Variants in CYRIA observed in about 807,000 individuals in gnomAD.
CYRIA encodes the protein CYFIP related Rac1 interactor A.
Under a neutral mutation model 43.9 loss-of-function variants are expected in CYRIA, and 15 were observed. The ratio of observed to expected loss-of-function variants is 0.34; its 90% CI spans 0.23 to 0.53. CYRIA has a LOEUF of 0.53. CYRIA is among the 20% of genes least tolerant of loss of function. The pLI is 0.94. For missense variants in CYRIA, 236 were observed against 394.2 expected (o/e 0.60, Z 3.40); for synonymous variants, 117 against 136.0 (o/e 0.86, Z 0.97).
intron 2 of CYRIA, among the ~76,000 whole-genome samples, chr2:16,599,686 C>T (rs941969836): frequency 2.6e-5 from 4 of 151,062 alleles, no homozygotes; most frequent in South Asian, 2.1e-4. Context: ...AGAAATCACC[C>T]GTCTTCTGCG....
At chr2:16,565,121 T>C (rs1666879704) in intron 4 of CYRIA, among the ~76,000 whole-genome samples, 1 of 152,110 alleles carries the variant, frequency 6.6e-6, no homozygotes, top group East Asian at 1.9e-4. Flanking sequence ...AATATTAATC[T>C]ATAGCACTGT....
At chr2:16,655,440 A>C (rs766751388) in intron 1 of CYRIA, among the ~76,000 whole-genome samples, 6 of 151,882 alleles carry the variant, frequency 4.0e-5, no homozygotes, top group Non-Finnish European at 5.9e-5. Context: ...TACCCAGGGG[A>C]CTCCTTGGAC....
At chr2:16,619,473 A>G (rs1668924364) in intron 2 of CYRIA, among the ~76,000 whole-genome samples, 1 of 152,172 alleles carries the variant, frequency 6.6e-6, no homozygotes, top group Non-Finnish European at 1.5e-5. Flanking sequence ...GGGGAAATAC[A>G]GTTTTCACTT....
intron 2 of CYRIA, among the ~76,000 whole-genome samples, chr2:16,605,496 G>A (rs373075026): frequency 2.4e-4 from 37 of 152,288 alleles, no homozygotes; most frequent in African/African-American, 8.9e-4. Flanking sequence ...TTCTTACCTA[G>A]GCAGGTGGAC....
At chr2:16,599,824 T>G (rs1313583400) in intron 2 of CYRIA, among the ~76,000 whole-genome samples, 2 of 152,174 alleles carry the variant, frequency 1.3e-5, no homozygotes. Flanking sequence ...TAGCGCAATC[T>G]CAGCTCACTG....
intron 5 of CYRIA, 109 bp from the exon 6 acceptor site, chr2:16,562,250 C>A: frequency 8.2e-7 from 1 of 1,220,836 alleles, no homozygotes. Flanking sequence ...CTGCTTGAGT[C>A]TCTCCCGATA....
chr2:16,638,587 G>A (rs1669574171), intron 1 of CYRIA, among the ~76,000 whole-genome samples: 2 of 152,186 alleles, frequency 1.3e-5, no homozygotes, highest in Admixed American at 6.5e-5. Context: ...GGGTGTGGCT[G>A]GAGCATAAGA....
chr2:16,660,558 C>T (rs750541669), intron 1 of CYRIA, among the ~76,000 whole-genome samples: 4 of 152,194 alleles, frequency 2.6e-5, no homozygotes, highest in African/African-American at 4.8e-5. Flanking sequence ...TACTTGAGGG[C>T]AGGGGTAATG....
intron 2 of CYRIA, among the ~76,000 whole-genome samples, chr2:16,608,269 T>C (rs542675201): frequency 1.0e-3 from 156 of 152,294 alleles, no homozygotes; most frequent in Non-Finnish European, 1.8e-3. Context: ...AAAATAAGCA[T>C]TTCCCCAAAT....
At chr2:16,572,716 T>G (rs1667181274) in intron 3 of CYRIA, among the ~76,000 whole-genome samples, 1 of 152,194 alleles carries the variant, frequency 6.6e-6, no homozygotes, top group African/African-American at 2.4e-5. Context: ...AATTTCTTTC[T>G]TTACACCCCA....
chr2:16,605,333 G>A (rs1008155448), intron 2 of CYRIA, among the ~76,000 whole-genome samples: 2 of 152,216 alleles, frequency 1.3e-5, no homozygotes, highest in Admixed American at 6.5e-5. Flanking sequence ...GAAAGTCAAT[G>A]TGTCCCCCAC....
chr2:16,557,287 T>C (rs954268242), intron 10 of CYRIA, among the ~76,000 whole-genome samples: 2 of 152,146 alleles, frequency 1.3e-5, no homozygotes, highest in Admixed American at 6.5e-5. Flanking sequence ...ACCTCAAACA[T>C]CACCCTCTGT....
In CYRIA at chr2:16,550,549, C is replaced by T. The variant is rs1666268737; in HGVS notation, c.*2387G>A. ...GTCTTGGCTTTGAGACAAGACAAGT[C>T]TTGGCTAAATTGAGGCAGGACAGCA... On this transcript the variant is annotated 3_prime_UTR_variant, in exon 12 of 12. Coordinates refer to ENST00000381323, the MANE Select transcript of CYRIA (RefSeq NM_030797.4). 6.6e-6 allele frequency: 1 copy of T among 152,132 alleles called. No individual in the cohort carries two copies. Among genetic ancestry groups the T allele is most frequent in the African/African-American group, 2.4e-5 (1 of 41,436 alleles). 9.4% of individuals were successfully genotyped at this position (152,132 alleles called of 1,614,324 possible).
At chr2:16,556,557 T>C (rs1231196973) in intron 10 of CYRIA, among the ~76,000 whole-genome samples, 1 of 152,152 alleles carries the variant, frequency 6.6e-6, no homozygotes, top group Admixed American at 6.5e-5. Flanking sequence ...TAGGTATGAA[T>C]AACAAGATGC....
At chr2:16,619,818 C>G (rs1048958914) in intron 2 of CYRIA, among the ~76,000 whole-genome samples, 2 of 152,184 alleles carry the variant, frequency 1.3e-5, no homozygotes, top group Non-Finnish European at 2.9e-5. Context: ...TCACCCATGA[C>G]AGAGAAATGA....
At chr2:16,567,108 G>T (rs1666960788) in intron 3 of CYRIA, among the ~76,000 whole-genome samples, 1 of 151,866 alleles carries the variant, frequency 6.6e-6, no homozygotes, top group African/African-American at 2.4e-5. Context: ...TTTCTCTGGG[G>T]ATAAAAAAAA....
chr2:16,575,897 A>ATAAT (rs1265174226), intron 3 of CYRIA, among the ~76,000 whole-genome samples: 1 of 151,544 alleles, frequency 6.6e-6, no homozygotes, highest in Non-Finnish European at 1.5e-5. Flanking sequence ...AAATAAATAA[A>ATAAT]TAAATAAATA....
chr2:16,565,916 C>T lies in CYRIA; in HGVS notation c.71-149G>A, dbSNP rs536527325. 8 of 688,910 alleles carry T rather than the reference C, an allele frequency of 1.2e-5. No individual in the cohort carries two copies. The East Asian group carries it at 2.8e-4, about 24-fold the overall frequency. The allele number at this position is 688,910 out of a possible 1,614,324, so 42.7% of individuals were successfully genotyped here. The stretch of plus-strand genomic sequence containing the variant: ...TTTAACCTAATAAGCTGCTAGGATG[C>T]TAGGAAGGGAAAACTGATGAAACTT... On this transcript the variant is annotated intron_variant, in intron 3 of 11. Transcript: ENST00000381323.
chr2:16,608,554 T>C (rs894243341), intron 2 of CYRIA, among the ~76,000 whole-genome samples: 4 of 152,244 alleles, frequency 2.6e-5, no homozygotes, highest in African/African-American at 9.6e-5. Context: ...AATCATTTCA[T>C]GGAAACAGCA....
Sources: gnomAD v4.1 joint callset for allele counts (sites outside exome capture counted in the v4.1 genomes callset) on GRCh38, gnomAD v4.1.1 for gene constraint, MANE v1.5 for transcripts, NCBI Gene and HGNC (gene_info 2026-07-23, HGNC 2026-07-21) for gene names.